Variants in SYT10 observed in about 807,000 individuals in gnomAD.
SYT10 encodes the protein synaptotagmin 10.
SYT10 carries 31 observed loss-of-function variants against 51.1 expected under a neutral mutation model. The ratio of observed to expected loss-of-function variants is 0.61; its 90% CI spans 0.46 to 0.82. SYT10 has a LOEUF of 0.82. Among genes scored for constraint, SYT10 ranks in the 40% least tolerant of loss-of-function variants. The pLI, the probability that SYT10 is intolerant of heterozygous loss-of-function variation, is 0.00. For synonymous variants in SYT10, 233 were observed against 225.9 expected (o/e 1.03, Z -0.28); for missense variants, 603 against 634.0 (o/e 0.95, Z 0.53).
intron 3 of SYT10, among the ~76,000 whole-genome samples, chr12:33,399,708 A>G (rs1866285973): frequency 6.6e-6 from 1 of 152,050 alleles, no homozygotes; most frequent in African/African-American, 2.4e-5. Context: ...TGGGAACTGA[A>G]CTCTCATGGT....
At chr12:33,400,248 T>C (rs1352650440) in intron 3 of SYT10, among the ~76,000 whole-genome samples, 7 of 152,214 alleles carry the variant, frequency 4.6e-5, no homozygotes, top group African/African-American at 1.7e-4. Flanking sequence ...GATCCTATGA[T>C]TGATCCAGGA....
chr12:33,406,589 C>T (rs2389197), intron 3 of SYT10, among the ~76,000 whole-genome samples, 200 bp downstream of exon 3: 93,159 of 151,938 alleles, frequency 0.61, 29,742 homozygotes, highest in East Asian at 0.89. Flanking sequence ...TTTTTTTATT[C>T]ACACAATCAC....
intron 2 of SYT10, among the ~76,000 whole-genome samples, chr12:33,424,667 C>T (rs1003683838): frequency 2.6e-4 from 40 of 151,658 alleles, no homozygotes; most frequent in Non-Finnish European, 5.0e-4. Context: ...GACATTTTTT[C>T]CCCTATTTGT....
chr12:33,423,914 T>C (rs1445536780), intron 2 of SYT10: 1 of 455,424 alleles, frequency 2.2e-6, no homozygotes, highest in Admixed American at 2.4e-5. Context: ...ACTTACTTCA[T>C]GCAGGTTGGT....
chr12:33,430,620 TCA>T (rs1219848096), intron 1 of SYT10, among the ~76,000 whole-genome samples: 11 of 152,108 alleles, frequency 7.2e-5, no homozygotes, highest in Non-Finnish European at 1.6e-4. Flanking sequence ...AAATTCTAGT[TCA>T]TTTTTAATTT....
intron 1 of SYT10, among the ~76,000 whole-genome samples, chr12:33,435,781 G>A (rs1237247278): frequency 1.3e-5 from 2 of 152,032 alleles, no homozygotes; most frequent in South Asian, 2.1e-4. Context: ...ATCTTAGAGG[G>A]AAATTATGAT....
chr12:33,416,296 T>C (rs1866453243), intron 2 of SYT10, among the ~76,000 whole-genome samples: 1 of 152,072 alleles, frequency 6.6e-6, no homozygotes, highest in South Asian at 2.1e-4. Context: ...TTGGCCAAAC[T>C]GGCCTCCAAA....
Position 33,389,140 on chromosome 12 carries a change from T to C in SYT10, c.1078-3849A>G, listed in dbSNP as rs191477801. 9.2e-5 allele frequency among the ~76,000 whole-genome samples: 14 copies of C among 152,230 alleles called. No individual in the cohort carries two copies. In the East Asian group the frequency reaches 2.5e-3, roughly 27 times the overall value. On this transcript the variant is annotated intron_variant, in intron 3 of 6. Transcript: ENST00000228567. ...TCAGAAATAAAATGGTCAGTACGCATTGAGAAATATGGAGTTTGGAAACAT... is the reference window on the plus strand; with the variant it reads ...TCAGAAATAAAATGGTCAGTACGCACTGAGAAATATGGAGTTTGGAAACAT...
chr12:33,394,032 C>T (rs76361959), intron 3 of SYT10, among the ~76,000 whole-genome samples: 32,098 of 152,066 alleles, frequency 0.21, 4,211 homozygotes, highest in Non-Finnish European at 0.29. Flanking sequence ...AAGATCCTTG[C>T]TCCTCCCTAT....
At chr12:33,439,067 G>A (rs1354273953) in intron 1 of SYT10, among the ~76,000 whole-genome samples, 1 of 152,274 alleles carries the variant, frequency 6.6e-6, no homozygotes, top group African/African-American at 2.4e-5. Context: ...ACTCCGGGAG[G>A]GAGATGGGAG....
In SYT10 at chr12:33,439,440, T is replaced by C; in HGVS notation, c.83A>G (p.Gln28Arg). 1 of 1,614,234 alleles carries C rather than the reference T, an allele frequency of 6.2e-7. No homozygotes were observed. Among genetic ancestry groups the C allele is most frequent in the Non-Finnish European group, 8.5e-7 (1 of 1,180,016 alleles). The change falls in exon 1 of 7, where the codon CAG (glutamine) becomes CGG (arginine). Residue 28 changes from glutamine (Q) to arginine (R), a missense_variant. Transcript: ENST00000228567. ...HIVTELCFAG[Q>R]VEWEKCSGIF... The stretch of plus-strand genomic sequence containing the variant: ...GCCCGAGCACTTCTCCCACTCCACC[T>C]GGCCGGCGAAGCACAGCTCGGTGAC...
At chr12:33,384,348 T>C (rs1294961686) in intron 4 of SYT10, among the ~76,000 whole-genome samples, 1 of 152,174 alleles carries the variant, frequency 6.6e-6, no homozygotes, top group Non-Finnish European at 1.5e-5. Flanking sequence ...TATGTTTTTT[T>C]TTGTGATGCA....
At chr12:33,408,958 A>G (rs1456962602) in intron 2 of SYT10, among the ~76,000 whole-genome samples, 2 of 149,992 alleles carry the variant, frequency 1.3e-5, no homozygotes, top group Admixed American at 1.3e-4. Flanking sequence ...TGTTCATTCC[A>G]CTCCTTTTCC....
chr12:33,410,460 T>C (rs905864219), intron 2 of SYT10, among the ~76,000 whole-genome samples: 1 of 152,202 alleles, frequency 6.6e-6, no homozygotes, highest in African/African-American at 2.4e-5. Flanking sequence ...AAATGAGCTG[T>C]GAGAGTATCA....
At chr12:33,408,849 C>G (rs977504260) in intron 2 of SYT10, among the ~76,000 whole-genome samples, 5 of 149,688 alleles carry the variant, frequency 3.3e-5, no homozygotes, top group African/African-American at 1.3e-4. Context: ...ACTCATGCTT[C>G]CAAGAATGAA....
At chr12:33,415,328 A>G (rs1447955747) in intron 2 of SYT10, among the ~76,000 whole-genome samples, 4 of 152,200 alleles carry the variant, frequency 2.6e-5, no homozygotes, top group Non-Finnish European at 5.9e-5. Context: ...GCCAAAGTAC[A>G]TATGCCATAA....
At chr12:33,385,601 G>A (rs865912210) in intron 3 of SYT10, among the ~76,000 whole-genome samples, 1 of 152,096 alleles carries the variant, frequency 6.6e-6, no homozygotes, top group Non-Finnish European at 1.5e-5. Context: ...ATCAACAAAC[G>A]GCATCATAAT....
intron 3 of SYT10, among the ~76,000 whole-genome samples, chr12:33,386,263 C>T (rs1591982165): frequency 6.6e-6 from 1 of 152,138 alleles, no homozygotes; most frequent in African/African-American, 2.4e-5. Flanking sequence ...CCCACCTCAG[C>T]CTTCCAATCT....
intron 1 of SYT10, chr12:33,432,204 A>G (rs1316877242): frequency 2.6e-5 from 4 of 152,134 alleles, no homozygotes; most frequent in Admixed American, 6.5e-5. Context: ...GCATTGTGCC[A>G]TAGTTTATTT....
Sources: allele counts gnomAD v4.1 joint callset (sites outside exome capture counted in the v4.1 genomes callset), GRCh38; gene constraint gnomAD v4.1.1; transcripts MANE v1.5; gene names NCBI Gene and HGNC (gene_info 2026-07-23, HGNC 2026-07-21).